The following GABRB1 variants were observed in gnomAD, a reference collection of about 807,000 sequenced individuals.
GABRB1 encodes gamma-aminobutyric acid type A receptor subunit beta1.
GABRB1 carries 17 observed loss-of-function variants against 51.6 expected under a neutral mutation model. The observed-to-expected ratio is 0.33, with a 90% CI of 0.23 to 0.49. GABRB1 has a LOEUF of 0.49. Among genes scored for constraint, GABRB1 ranks in the 20% least tolerant of loss-of-function variants. The pLI, the probability that GABRB1 is intolerant of heterozygous loss-of-function variation, is 0.99. For synonymous variants in GABRB1, 247 were observed against 218.9 expected (o/e 1.13, Z -1.14); for missense variants, 410 against 600.6 (o/e 0.68, Z 3.32).
At chr4:47,173,504 C>A (rs149066676) in intron 4 of GABRB1, among the ~76,000 whole-genome samples, 14 of 152,214 alleles carry the variant, frequency 9.2e-5, no homozygotes, top group South Asian at 2.1e-4. Context: ...GGCTTAATGG[C>A]ACAAAAATGG....
At chr4:47,056,632 C>G (rs750622047) in intron 3 of GABRB1, among the ~76,000 whole-genome samples, 4 of 151,920 alleles carry the variant, frequency 2.6e-5, no homozygotes, top group Non-Finnish European at 4.4e-5. Context: ...AAGCCTGGGC[C>G]TAAATTGCTG....
intron 5 of GABRB1, among the ~76,000 whole-genome samples, chr4:47,361,969 C>G (rs1726824534): frequency 6.6e-6 from 1 of 151,934 alleles, no homozygotes; most frequent in African/African-American, 2.4e-5. Context: ...GTTGTTAAAG[C>G]CAATGACATG....
chr4:47,081,449 C>A (rs1727837232), intron 3 of GABRB1, among the ~76,000 whole-genome samples: 1 of 152,116 alleles, frequency 6.6e-6, no homozygotes, highest in African/African-American at 2.4e-5. Flanking sequence ...GCCAAGGCAC[C>A]AAATATCAAA....
chr4:47,400,526 GTCTCTCTCTCTCTC>G (rs56896606), intron 5 of GABRB1, among the ~76,000 whole-genome samples: 1 of 117,872 alleles, frequency 8.5e-6, no homozygotes, highest in East Asian at 2.0e-4. Flanking sequence ...CCAGGAGGTA[GTCTCTCTCTCTCTC>G]TCTCTCTCTC....
chr4:47,377,963 G>A (rs1405161223), intron 5 of GABRB1, among the ~76,000 whole-genome samples: 1 of 152,246 alleles, frequency 6.6e-6, no homozygotes. Context: ...CCAGACTCAG[G>A]AGCCCAGCTG....
chr4:47,040,014 C>G (rs746443277), intron 3 of GABRB1, among the ~76,000 whole-genome samples: 2 of 152,124 alleles, frequency 1.3e-5, no homozygotes, highest in Non-Finnish European at 2.9e-5. Context: ...GGAAGTGGAA[C>G]AAGGACCAGA....
Position 47,425,825 on chromosome 4 carries a change from G to C in GABRB1, c.1232G>C (p.Arg411Pro). ...SIQYRKPLSS[R>P]EAYGRALDRH... is the part of the protein sequence containing the mutation. The stretch of plus-strand genomic sequence containing the variant: ...CAGTACCGCAAGCCCCTGAGCAGCC[G>C]CGAGGCCTACGGGCGCGCCCTGGAC... Residue 411 changes from arginine to proline, a missense_variant, in exon 9 of 9, where the codon CGC (arginine) becomes CCC (proline). Arg to Pro is a moderately radical substitution (Grantham distance 103). Around this residue, in one of 5 missense-constraint regions of GABRB1, gnomAD observed 181 missense variants for 195.6 expected, o/e 0.93. Transcript: ENST00000295454. 2.5e-6 allele frequency: 4 copies of C among 1,614,046 alleles called. No individual in the cohort carries two copies. Among genetic ancestry groups the C allele is most frequent in the Non-Finnish European group, 3.4e-6 (4 of 1,179,994 alleles).
intron 4 of GABRB1, among the ~76,000 whole-genome samples, chr4:47,273,065 C>T (rs1419189296): frequency 6.6e-6 from 1 of 152,130 alleles, no homozygotes; most frequent in Non-Finnish European, 1.5e-5. Flanking sequence ...TACCTACCTA[C>T]AGCATCCTAA....
chr4:47,007,621 A>T (rs565728731), intron 1 of GABRB1, among the ~76,000 whole-genome samples: 31 of 152,268 alleles, frequency 2.0e-4, no homozygotes, highest in Admixed American at 8.5e-4. Context: ...GTTTTAAAGC[A>T]TGCCAAATAA....
At chr4:47,229,912 T>A (rs1269667989) in intron 4 of GABRB1, among the ~76,000 whole-genome samples, 7 of 152,110 alleles carry the variant, frequency 4.6e-5, no homozygotes, top group Non-Finnish European at 5.9e-5. Context: ...ATTTCAGGAT[T>A]CTAGCCTCCC....
intron 1 of GABRB1, among the ~76,000 whole-genome samples, chr4:46,998,823 T>C (rs371854464): frequency 2.0e-5 from 3 of 151,578 alleles, no homozygotes; most frequent in East Asian, 3.9e-4. Context: ...TTAGGCTCAA[T>C]TGAAAATGCC....
intron 3 of GABRB1, among the ~76,000 whole-genome samples, chr4:47,055,756 C>T (rs552657523): frequency 6.6e-6 from 1 of 152,258 alleles, no homozygotes; most frequent in Admixed American, 6.5e-5. Context: ...TTAGACTTCG[C>T]CCTTCCCATC....
chr4:47,321,390 T>A (rs1253814071), intron 5 of GABRB1, among the ~76,000 whole-genome samples: 1 of 152,178 alleles, frequency 6.6e-6, no homozygotes, highest in East Asian at 1.9e-4. Context: ...GTAGATATAA[T>A]TACAAGTTTA....
chr4:47,200,925 A>G (rs1719873805), intron 4 of GABRB1, among the ~76,000 whole-genome samples: 2 of 152,194 alleles, frequency 1.3e-5, no homozygotes, highest in African/African-American at 4.8e-5. Flanking sequence ...TTATCCAGCT[A>G]GAGTAGCCAT....
At chr4:47,059,992 C>T (rs1726779840) in intron 3 of GABRB1, among the ~76,000 whole-genome samples, 1 of 152,116 alleles carries the variant, frequency 6.6e-6, no homozygotes, top group Admixed American at 6.5e-5. Context: ...ATGCAAGTAC[C>T]AAGATATGGA....
intron 3 of GABRB1, among the ~76,000 whole-genome samples, chr4:47,143,396 C>T (rs1351311452): frequency 1.3e-5 from 2 of 151,664 alleles, no homozygotes; most frequent in African/African-American, 2.4e-5. Context: ...TAGGACATTC[C>T]GTCCCAAAAT....
At chr4:47,277,591 G>A (rs1326238065) in intron 4 of GABRB1, among the ~76,000 whole-genome samples, 2 of 151,888 alleles carry the variant, frequency 1.3e-5, no homozygotes, top group Non-Finnish European at 2.9e-5. Context: ...CACATTGCAT[G>A]CCTATATCAA....
chr4:47,410,774 C>A (rs1409056385), intron 8 of GABRB1, among the ~76,000 whole-genome samples: 1 of 152,172 alleles, frequency 6.6e-6, no homozygotes, highest in Non-Finnish European at 1.5e-5. Flanking sequence ...GAGTTTGAAT[C>A]CAGCCTGTTG....
At chr4:47,004,096 C>A (rs1400153013) in intron 1 of GABRB1, among the ~76,000 whole-genome samples, 3 of 152,078 alleles carry the variant, frequency 2.0e-5, no homozygotes, top group African/African-American at 7.2e-5. Flanking sequence ...TCAAGCGGTT[C>A]CCCTGCCTCA....
Sources: gnomAD v4.1 joint callset for allele counts (sites outside exome capture counted in the v4.1 genomes callset) on GRCh38, gnomAD v4.1.1 for gene constraint, gnomAD v4.1.1 regional missense constraint, MANE v1.5 for transcripts, NCBI Gene and HGNC (gene_info 2026-07-23, HGNC 2026-07-21) for gene names.